BBS7: variants seen among roughly 807,000 people sequenced by gnomAD.
The protein encoded by BBS7 is Bardet-Biedl syndrome 7.
In BBS7, 50 loss-of-function variants were observed where a neutral mutation model predicts 90.3. That is an observed-to-expected ratio of 0.55 (90% CI 0.44 to 0.70). BBS7 has a LOEUF of 0.70. Among genes scored for constraint, BBS7 ranks in the 30% least tolerant of loss-of-function variants. The pLI is 0.00. For synonymous variants in BBS7, 235 were observed against 287.4 expected (o/e 0.82, Z 1.85); for missense variants, 729 against 838.9 (o/e 0.87, Z 1.62).
At chr4:121,830,238 T>C (rs1265310411) in intron 15 of BBS7, among the ~76,000 whole-genome samples, 2 of 152,076 alleles carry the variant, frequency 1.3e-5, no homozygotes, top group Non-Finnish European at 2.9e-5. Flanking sequence ...CCGTCTCTAC[T>C]GAAAATACAA....
rs774242550 is a variant in BBS7 at position 121,835,256 on chromosome 4, T to C, written c.1399A>G (p.Thr467Ala). ...KIRSIEGQYGTLQAYVTPRIQ... is the reference protein window; with the variant it reads ...KIRSIEGQYGALQAYVTPRIQ... ...CTTGGAGTCACATATGCTTGTAGTG[T>C]GCCATACTGGCCTTCAATTGAGCGA... The change falls in exon 14 of 19, where the codon ACA becomes GCA. Residue 467 changes from threonine (T) to alanine (A), a missense_variant. Transcript: ENST00000264499. The C allele has an allele frequency of 6.2e-7, 1 of 1,613,864 alleles. No homozygotes were observed. Among genetic ancestry groups the C allele is most frequent in the South Asian group, 1.1e-5 (1 of 91,080 alleles).
intron 3 of BBS7, among the ~76,000 whole-genome samples, 183 bp downstream of exon 3, chr4:121,863,034 G>C (rs528624948): frequency 2.6e-5 from 4 of 152,284 alleles, no homozygotes; most frequent in Admixed American, 6.5e-5. Context: ...TGCCAAAGGT[G>C]CCTTACAACT....
At position 121,863,160 on chromosome 4, in the gene BBS7, T is replaced by C. The variant is rs1727075242; in HGVS notation, c.165+57A>G. The C allele has an allele frequency of 3.9e-6, 6 of 1,527,216 alleles. No individual in the cohort carries two copies. The South Asian group carries it at 6.8e-5, about 17-fold the overall frequency. The allele number at this position is 1,527,216 out of a possible 1,614,324, so 94.6% of individuals were successfully genotyped here. A position where few individuals can be genotyped will look rare whatever the true frequency, so the allele number is the denominator to read the frequency against. Reference sequence around the variant, plus strand: ...AAATTTTTAACCTAGTATTATTCAATAAATAGTGCATTCTCTTTTAGAAAA... The same window carrying C: ...AAATTTTTAACCTAGTATTATTCAACAAATAGTGCATTCTCTTTTAGAAAA... On this transcript the variant is annotated intron_variant, in intron 3 of 18. Transcript: ENST00000264499.
chr4:121,848,797 T>C, intron 9 of BBS7, 47 bp downstream of exon 9: 1 of 1,488,806 alleles, frequency 6.7e-7, no homozygotes, highest in Non-Finnish European at 9.3e-7. Flanking sequence ...ATTTAATTTT[T>C]TTTGTTGTTG....
intron 12 of BBS7, among the ~76,000 whole-genome samples, chr4:121,841,559 C>G (rs1292380267): frequency 6.6e-6 from 1 of 151,706 alleles, no homozygotes; most frequent in Non-Finnish European, 1.5e-5. Flanking sequence ...CAGTAAGACC[C>G]CCATCTTTTA....
chr4:121,863,473 G>A (rs1255381307), intron 2 of BBS7, among the ~76,000 whole-genome samples, 194 bp from the exon 3 acceptor site: 2 of 152,084 alleles, frequency 1.3e-5, no homozygotes, highest in Non-Finnish European at 2.9e-5. Context: ...AGAGTCATTA[G>A]AAAAGTAATT....
chr4:121,825,978 AGATCAGT>A lies in BBS7; in HGVS notation c.2023_2029del (p.Thr675PhefsTer3), dbSNP rs1560636155. ...TTTAAACTTAAATTTATCTATGAAA[AGATCAGT>A]GATCATGCCTTTAAAGAAAAAACAT... On this transcript the variant is annotated frameshift_variant, in exon 19 of 19. Transcript: ENST00000264499. LOFTEE classifies it high-confidence loss of function. 3.1e-6 allele frequency: 5 copies of A among 1,601,030 alleles called. No individual in the cohort carries two copies. The highest frequency in any genetic ancestry group is 4.3e-6 in the Non-Finnish European group (5 of 1,169,356).
Position 121,828,244 on chromosome 4 carries a change from G to A in BBS7, c.1916C>T (p.Thr639Met), listed in dbSNP as rs773771144. ...LKELQIHEGNTNFLIPEYHCI... is the reference protein window; with the variant it reads ...LKELQIHEGNMNFLIPEYHCI... ...GTGATATTCTGGTATCAGAAAGTTC[G>A]TATTTCCCTCATGAATCTGTAATTC... Residue 639 changes from threonine to methionine, a missense_variant, in exon 18 of 19, where the codon ACG becomes ATG. Transcript: ENST00000264499. 2.8e-5 allele frequency: 45 copies of A among 1,613,528 alleles called. No homozygotes were observed. The highest frequency in any genetic ancestry group is 6.6e-5 in the South Asian group (6 of 91,072).
chr4:121,855,824 A>G lies in BBS7; in HGVS notation c.529-263T>C, dbSNP rs566512900. On this transcript the variant is annotated intron_variant, in intron 5 of 18. Coordinates refer to ENST00000264499, the MANE Select transcript of BBS7 (RefSeq NM_176824.3). ...TACAGATATGTACACACATGTATAC[A>G]TATATACACATATGTATACATATAT... is the stretch of plus-strand genomic sequence containing the variant. Among the ~76,000 whole-genome samples the G allele has an allele frequency of 4.6e-5, 7 of 151,500 alleles. No homozygotes were observed. The South Asian group carries it at 1.5e-3, about 32-fold the overall frequency.
chr4:121,846,513 G>GC, intron 10 of BBS7, among the ~76,000 whole-genome samples: 1 of 152,132 alleles, frequency 6.6e-6, no homozygotes, highest in Non-Finnish European at 1.5e-5. Flanking sequence ...TCAGATATAA[G>GC]TTTCTCATAA....
At chr4:121,853,705 C>T (rs762607902) in intron 7 of BBS7, among the ~76,000 whole-genome samples, 2 of 151,918 alleles carry the variant, frequency 1.3e-5, no homozygotes, top group African/African-American at 2.4e-5. Context: ...TGTTGCCCCC[C>T]GCCCCCTCCA....
intron 2 of BBS7, among the ~76,000 whole-genome samples, chr4:121,866,972 T>C (rs1727315234): frequency 6.6e-6 from 1 of 152,164 alleles, no homozygotes. Context: ...AAAAATGACA[T>C]TGGTATTTCG....
Position 121,869,784 on chromosome 4 carries a change from C to A in BBS7, c.36+494G>T, listed in dbSNP as rs551234724. Among the ~76,000 whole-genome samples, 13 of 152,340 alleles carry A rather than the reference C, an allele frequency of 8.5e-5. No individual in the cohort carries two copies. In the South Asian group the frequency reaches 2.7e-3, roughly 32 times the overall value. On this transcript the variant is annotated intron_variant, in intron 1 of 18. Transcript: ENST00000264499. The stretch of plus-strand genomic sequence containing the variant: ...GAACTGCTGACCTTAGGTGATCCGC[C>A]CGCCTCGGCCTCCCAAAGTGCTGGG...
At chr4:121,869,343 C>T (rs542070241) in intron 1 of BBS7, among the ~76,000 whole-genome samples, 112 of 152,190 alleles carry the variant, frequency 7.4e-4, no homozygotes, top group African/African-American at 2.6e-3. Flanking sequence ...AAAAATACAC[C>T]AGTTCTGGAG....
chr4:121,850,362 C>T (rs933849407), intron 8 of BBS7, among the ~76,000 whole-genome samples: 19 of 151,654 alleles, frequency 1.3e-4, no homozygotes, highest in African/African-American at 4.6e-4. Flanking sequence ...GATGGGGTCT[C>T]CCTCTGTTGC....
intron 18 of BBS7, chr4:121,827,707 A>G (rs1351873616): frequency 1.2e-6 from 1 of 852,630 alleles, no homozygotes; most frequent in South Asian, 5.4e-5. Context: ...GTTTTGAACT[A>G]TAAATTGACA....
At chr4:121,861,817 T>A in intron 3 of BBS7, 138 bp from the exon 4 acceptor site, 1 of 817,378 alleles carries the variant, frequency 1.2e-6, no homozygotes, top group Admixed American at 2.5e-5. Flanking sequence ...TAGATAATAA[T>A]CTATATACTT....
intron 18 of BBS7, among the ~76,000 whole-genome samples, chr4:121,827,160 C>T (rs1724955029): frequency 6.6e-6 from 1 of 152,102 alleles, no homozygotes; most frequent in South Asian, 2.1e-4. Flanking sequence ...TATGTACAGC[C>T]AATCTCATAA....
chr4:121,835,024 CTGTT>C (rs1019630315), intron 14 of BBS7, 116 bp downstream of exon 14: 8 of 973,040 alleles, frequency 8.2e-6, no homozygotes, highest in African/African-American at 1.7e-5. Flanking sequence ...AATATTTAAA[CTGTT>C]TATTTAATTT....
Sources: gnomAD v4.1 joint callset for allele counts (sites outside exome capture counted in the v4.1 genomes callset) on GRCh38, gnomAD v4.1.1 for gene constraint, MANE v1.5 for transcripts, NCBI Gene and HGNC (gene_info 2026-07-23, HGNC 2026-07-21) for gene names.